SATB2: variants seen among roughly 807,000 people sequenced by gnomAD.
SATB2 encodes DNA-binding protein SATB2.
A neutral mutation model predicts 73.4 loss-of-function variants in SATB2; 1 was observed. The observed-to-expected ratio is 0.01, with a 90% CI of 0.00 to 0.06. SATB2 has a LOEUF of 0.06. SATB2 is among the 10% of genes least tolerant of loss of function. SATB2 has a pLI of 1.00. For synonymous variants in SATB2, 397 were observed against 367.0 expected (o/e 1.08, Z -0.93); for missense variants, 459 against 945.8 (o/e 0.49, Z 6.75).
chr2:199,307,065 C>T (rs559068520), intron 10 of SATB2, among the ~76,000 whole-genome samples: 1 of 151,352 alleles, frequency 6.6e-6, no homozygotes, highest in East Asian at 1.9e-4. Context: ...TGTGTTGGTT[C>T]AAGATAGAAG....
intron 8 of SATB2, among the ~76,000 whole-genome samples, chr2:199,327,031 C>T (rs550597436): frequency 2.0e-5 from 3 of 152,256 alleles, no homozygotes; most frequent in African/African-American, 7.2e-5. Context: ...TACAATTCTG[C>T]TTCTATGCTT....
intron 10 of SATB2, among the ~76,000 whole-genome samples, chr2:199,307,615 G>A (rs1015463744): frequency 7.9e-5 from 12 of 152,146 alleles, no homozygotes; most frequent in African/African-American, 2.2e-4. Context: ...TTCACTCTGC[G>A]ACTTTGGCCC....
intron 1 of SATB2, chr2:199,470,198 T>A (rs1197912296): frequency 2.0e-5 from 3 of 152,282 alleles, no homozygotes; most frequent in Non-Finnish European, 4.4e-5. Flanking sequence ...TCCCGTGGAA[T>A]CTTGTTGCCT....
At chr2:199,297,870 A>T (rs1366784576) in intron 10 of SATB2, among the ~76,000 whole-genome samples, 1 of 152,086 alleles carries the variant, frequency 6.6e-6, no homozygotes, top group African/African-American at 2.4e-5. Context: ...CTACAGAAGG[A>T]TTTCATTCAC....
At chr2:199,448,089 T>A (rs1692015837) in intron 2 of SATB2, among the ~76,000 whole-genome samples, 1 of 152,186 alleles carries the variant, frequency 6.6e-6, no homozygotes, top group South Asian at 2.1e-4. Flanking sequence ...CATCTTTGGA[T>A]TATGACAAAA....
intron 3 of SATB2, among the ~76,000 whole-genome samples, chr2:199,398,364 T>C (rs1690367070): frequency 6.6e-6 from 1 of 152,306 alleles, no homozygotes; most frequent in Non-Finnish European, 1.5e-5. Context: ...ATGCTCTTTC[T>C]CATATTGATT....
intron 10 of SATB2, among the ~76,000 whole-genome samples, chr2:199,297,715 T>C (rs887829586): frequency 9.2e-5 from 14 of 152,036 alleles, no homozygotes; most frequent in Non-Finnish European, 1.6e-4. Flanking sequence ...TTTCACAACT[T>C]TGTGGATGCT....
chr2:199,333,777 A>G (rs941758771), intron 7 of SATB2, among the ~76,000 whole-genome samples: 16 of 152,168 alleles, frequency 1.1e-4, no homozygotes, highest in Non-Finnish European at 2.1e-4. Context: ...TAGGCTTTCA[A>G]TATGCAAAAC....
chr2:199,463,952 T>TG lies in SATB2; in HGVS notation c.-141+883dup, dbSNP rs1692537740. Among the ~76,000 whole-genome samples, 1 of 152,106 alleles carries TG rather than the reference T, an allele frequency of 6.6e-6. No individual in the cohort carries two copies. The highest frequency in any genetic ancestry group is 6.5e-5 in the Admixed American group (1 of 15,270). ...TTGCCTCCCGAACGCTTTGAGGCTA[T>TG]GGGCCCACGCCGGTCTTGAACCAAG... On this transcript the variant is annotated intron_variant, in intron 1 of 11. Transcript: ENST00000260926. The surrounding 1 kb of genome is among the most constrained non-coding windows in gnomAD (Gnocchi z 6.4).
intron 5 of SATB2, among the ~76,000 whole-genome samples, chr2:199,374,959 G>A (rs1375313816): frequency 4.8e-5 from 7 of 146,658 alleles, no homozygotes; most frequent in Admixed American, 6.8e-5. Flanking sequence ...GGGAGACTCC[G>A]TCGCAAAAAG....
At chr2:199,409,227 T>G (rs536326918) in intron 3 of SATB2, among the ~76,000 whole-genome samples, 1 of 98,448 alleles carries the variant, frequency 1.0e-5, no homozygotes, top group East Asian at 2.9e-4. Context: ...TAGAGTACAA[T>G]GGCACCATCT....
At chr2:199,394,094 A>G (rs948840599) in intron 3 of SATB2, among the ~76,000 whole-genome samples, 7 of 152,218 alleles carry the variant, frequency 4.6e-5, no homozygotes, top group Non-Finnish European at 8.8e-5. Context: ...ATGAAAGACA[A>G]TAACACAATC....
At chr2:199,356,121 G>A (rs191696968) in intron 6 of SATB2, among the ~76,000 whole-genome samples, 124 of 147,946 alleles carry the variant, frequency 8.4e-4, no homozygotes, top group Non-Finnish European at 8.3e-4. Context: ...TTATGCAAAT[G>A]TAAATGGATT....
chr2:199,407,022 T>G (rs1011140551), intron 3 of SATB2, among the ~76,000 whole-genome samples: 14 of 152,052 alleles, frequency 9.2e-5, no homozygotes, highest in African/African-American at 3.4e-4. Flanking sequence ...ATTTTACACA[T>G]GAAGTATAGA....
intron 1 of SATB2, among the ~76,000 whole-genome samples, chr2:199,456,841 G>T (rs3902023): frequency 0.025 from 3,734 of 152,154 alleles, 159 homozygotes; most frequent in African/African-American, 0.084. Context: ...AAAAGCATTT[G>T]AATTCTTAGT....
chr2:199,441,311 TAA>T (rs900691288), intron 2 of SATB2, among the ~76,000 whole-genome samples: 7 of 152,148 alleles, frequency 4.6e-5, no homozygotes, highest in Non-Finnish European at 8.8e-5. Flanking sequence ...AAATATTGAA[TAA>T]GAGTTAAGAA....
chr2:199,342,452 T>C (rs1050338430), intron 7 of SATB2, among the ~76,000 whole-genome samples: 1 of 150,188 alleles, frequency 6.7e-6, no homozygotes, highest in African/African-American at 2.5e-5. Flanking sequence ...AGAGTGGTGA[T>C]ACTCAGAATG....
chr2:199,364,007 G>A (rs1218046639), intron 6 of SATB2, among the ~76,000 whole-genome samples: 1 of 152,158 alleles, frequency 6.6e-6, no homozygotes, highest in Non-Finnish European at 1.5e-5. Context: ...AACAACAGCA[G>A]AGGCAGAAGG....
intron 9 of SATB2, among the ~76,000 whole-genome samples, chr2:199,321,566 A>C (rs940906006): frequency 6.6e-6 from 1 of 151,716 alleles, no homozygotes; most frequent in Admixed American, 6.6e-5. Context: ...ACACATACAC[A>C]CACATGTACA....
Sources: allele counts gnomAD v4.1 joint callset (sites outside exome capture counted in the v4.1 genomes callset), GRCh38; gene constraint gnomAD v4.1.1; non-coding constraint Gnocchi (gnomAD v3.1); transcripts MANE v1.5; gene names NCBI Gene and HGNC (gene_info 2026-07-23, HGNC 2026-07-21).